The following GSE1 variants were observed in gnomAD, a reference collection of about 807,000 sequenced individuals.
The protein encoded by GSE1 is genetic suppressor element 1.
GSE1 carries 32 observed loss-of-function variants against 112.6 expected under a neutral mutation model. The observed-to-expected ratio is 0.28, with a 90% CI of 0.21 to 0.38. The LOEUF (loss-of-function observed/expected upper bound fraction) is 0.38. Ranked by LOEUF, GSE1 falls within the 10% of genes least tolerant of loss-of-function variation. The pLI is 1.00. For synonymous variants in GSE1, 1,115 were observed against 735.6 expected (o/e 1.52, Z -8.35); for missense variants, 2,348 against 1,699.2 (o/e 1.38, Z -6.71).
At chr16:85,312,071 C>A (rs1008106580) in intron 1 of GSE1, among the ~76,000 whole-genome samples, 1 of 152,172 alleles carries the variant, frequency 6.6e-6, no homozygotes, top group East Asian at 1.9e-4. Context: ...CTGCCTTGCA[C>A]CCCCAGAGCC....
chr16:85,507,994 C>T (rs748200370), intron 2 of GSE1, among the ~76,000 whole-genome samples: 2 of 152,196 alleles, frequency 1.3e-5, no homozygotes, highest in Admixed American at 6.5e-5. Flanking sequence ...CCCTGTGGCC[C>T]CCTGCCGAGG....
chr16:85,364,520 CG>C (rs1391267657), intron 2 of GSE1, among the ~76,000 whole-genome samples: 1 of 152,214 alleles, frequency 6.6e-6, no homozygotes, highest in African/African-American at 2.4e-5. Context: ...CAGGCACCCC[CG>C]GTGCCGTAAC....
intron 2 of GSE1, among the ~76,000 whole-genome samples, chr16:85,540,362 C>T (rs1022983172): frequency 6.6e-6 from 1 of 152,200 alleles, no homozygotes; most frequent in Non-Finnish European, 1.5e-5. Flanking sequence ...AGTTGCCCTT[C>T]ACTCACACGG....
At position 85,675,847 on chromosome 16, in the gene GSE1, G is replaced by A. The variant is rs1014864308; in HGVS notation, c.*3308G>A. Reference sequence around the variant, plus strand: ...TATTCTTTCAAGTAACCAAGCTGTTGACTTTCTTACTACTTGCAGTAGCCT... The same window carrying A: ...TATTCTTTCAAGTAACCAAGCTGTTAACTTTCTTACTACTTGCAGTAGCCT... On this transcript the variant is annotated 3_prime_UTR_variant, in exon 16 of 16. Transcript: ENST00000253458. 6.6e-6 allele frequency: 1 copy of A among 152,288 alleles called. No homozygotes were observed. Among genetic ancestry groups the A allele is most frequent in the Non-Finnish European group, 1.5e-5 (1 of 68,030 alleles). The allele number at this position is 152,288 out of a possible 1,614,324, so 9.4% of individuals were successfully genotyped here. A position where few individuals can be genotyped will look rare whatever the true frequency, so the allele number is the denominator to read the frequency against.
intron 1 of GSE1, among the ~76,000 whole-genome samples, chr16:85,213,258 A>G (rs542837338): frequency 6.8e-6 from 1 of 146,232 alleles, no homozygotes; most frequent in Admixed American, 6.9e-5. Flanking sequence ...ACAGAGCAAG[A>G]CTCTGTTTCA....
At chr16:85,463,012 C>G (rs2050017121) in intron 2 of GSE1, 1 of 760,942 alleles carries the variant, frequency 1.3e-6, no homozygotes, top group East Asian at 1.3e-4. Context: ...TACTGCTCGC[C>G]TCCGCCGCGG....
chr16:85,210,690 G>A (rs2075210241), intron 1 of GSE1, among the ~76,000 whole-genome samples: 1 of 152,208 alleles, frequency 6.6e-6, no homozygotes, highest in East Asian at 1.9e-4. Flanking sequence ...GCCTGTGTAA[G>A]TTGAGGCTGG....
intron 1 of GSE1, among the ~76,000 whole-genome samples, chr16:85,232,212 G>A (rs1366794432): frequency 1.3e-5 from 2 of 152,236 alleles, no homozygotes; most frequent in African/African-American, 2.4e-5. Flanking sequence ...TTCCTTGGGA[G>A]CTGCCTTCTG....
intron 2 of GSE1, among the ~76,000 whole-genome samples, chr16:85,509,893 C>T (rs1190959489): frequency 6.6e-6 from 1 of 152,224 alleles, no homozygotes; most frequent in Non-Finnish European, 1.5e-5. Flanking sequence ...CCTTCGTCCC[C>T]TGCAGACGGT....
chr16:85,505,174 G>A (rs1223205245), intron 2 of GSE1, among the ~76,000 whole-genome samples: 2 of 152,168 alleles, frequency 1.3e-5, no homozygotes, highest in African/African-American at 4.8e-5. Context: ...AGGGGAGGAT[G>A]GTGCTGTGGG....
intron 1 of GSE1, among the ~76,000 whole-genome samples, chr16:85,279,992 G>A (rs1172764615): frequency 6.6e-6 from 1 of 152,214 alleles, no homozygotes; most frequent in African/African-American, 2.4e-5. Context: ...ACACAGAGCT[G>A]AGGGGGAAAT....
rs773762744 is a variant in GSE1 at position 85,654,834 on chromosome 16, G to A, written c.640G>A (p.Val214Met). Residue 214 changes from valine to methionine, a missense_variant, in exon 5 of 16, where the codon GTG (valine) becomes ATG (methionine). Transcript: ENST00000253458. ...GCACCACGTGGTGCCCCCCAGTACC[G>A]TGACCGAGGACTACCTGAGAAGCTT... is the stretch of plus-strand genomic sequence containing the variant. Reference protein sequence around the residue: ...PVHHVVPPSTVTEDYLRSFRP... With the variant: ...PVHHVVPPSTMTEDYLRSFRP... 63 of 1,611,708 alleles carry A rather than the reference G, an allele frequency of 3.9e-5. No homozygotes were observed. The highest frequency in any genetic ancestry group is 5.1e-5 in the Non-Finnish European group (60 of 1,179,542).
chr16:85,429,840 G>A (rs956987835), intron 2 of GSE1, among the ~76,000 whole-genome samples: 5 of 152,216 alleles, frequency 3.3e-5, no homozygotes, highest in African/African-American at 1.2e-4. Flanking sequence ...TTTCTCCAGA[G>A]CTCTGGGTCA....
chr16:85,478,927 C>CTTTCTTTCTTTCTTTTCTTTCTT (rs1285190496), intron 2 of GSE1, among the ~76,000 whole-genome samples: 2 of 28,046 alleles, frequency 7.1e-5, no homozygotes, highest in African/African-American at 3.1e-4. Context: ...TTCTTTCTTT[C>CTTTCTTTCTTTCTTTTCTTTCTT]TCTTTCTTTC....
At chr16:85,378,061 C>A (rs187758575) in intron 2 of GSE1, among the ~76,000 whole-genome samples, 1 of 152,218 alleles carries the variant, frequency 6.6e-6, no homozygotes, top group African/African-American at 2.4e-5. Context: ...ATGGCAGCCA[C>A]GTCTCTTGGA....
Position 85,654,332 on chromosome 16 carries a change from C to T in GSE1, c.481C>T (p.Pro161Ser). Residue 161 changes from proline (P) to serine (S), a missense_variant, in exon 4 of 16, where the codon CCG (proline) becomes TCG (serine). Physicochemically the swap from Pro to Ser is moderately conservative, Grantham distance 74. Transcript: ENST00000253458. ...GGRERLIVEPPLPQEKAGGPA... is the reference protein window; with the variant it reads ...GGRERLIVEPSLPQEKAGGPA... ...TCGGGAACGCCTCATTGTGGAGCCC[C>T]CGCTCCCTCAGGAGAAGGCAGGGGG... 6.2e-7 allele frequency: 1 copy of T among 1,611,780 alleles called. No individual in the cohort carries two copies. Among genetic ancestry groups the T allele is most frequent in the South Asian group, 1.1e-5 (1 of 90,976 alleles).
intron 2 of GSE1, among the ~76,000 whole-genome samples, chr16:85,472,727 C>G (rs2050334005): frequency 6.6e-6 from 1 of 152,200 alleles, no homozygotes; most frequent in Non-Finnish European, 1.5e-5. Context: ...GCTTCTGCCA[C>G]CGGGAAATGA....
chr16:85,508,329 C>T (rs867237141), intron 2 of GSE1, among the ~76,000 whole-genome samples: 2 of 152,200 alleles, frequency 1.3e-5, no homozygotes, highest in Non-Finnish European at 1.5e-5. Flanking sequence ...CCACCACGCC[C>T]GGCCTCCCTC....
At chr16:85,622,513 AAC>A (rs772172491) in intron 1 of GSE1, among the ~76,000 whole-genome samples, 6 of 152,182 alleles carry the variant, frequency 3.9e-5, no homozygotes, top group African/African-American at 1.4e-4. Flanking sequence ...CACATCTTCA[AAC>A]ACACGCTCCC....
Sources: allele counts gnomAD v4.1 joint callset (sites outside exome capture counted in the v4.1 genomes callset), GRCh38; gene constraint gnomAD v4.1.1; transcripts MANE v1.5; gene names NCBI Gene and HGNC (gene_info 2026-07-23, HGNC 2026-07-21).